Variants in SCAF8 observed in about 807,000 individuals in gnomAD.
SCAF8 encodes SR-related CTD associated factor 8.
SCAF8 carries 23 observed loss-of-function variants against 140.5 expected under a neutral mutation model. The ratio of observed to expected loss-of-function variants is 0.16; its 90% confidence interval spans 0.12 to 0.23. The LOEUF (loss-of-function observed/expected upper bound fraction) is 0.23. SCAF8 is among the 10% of genes least tolerant of loss of function. The pLI, the probability that SCAF8 is intolerant of heterozygous loss-of-function variation, is 1.00. For synonymous variants in SCAF8, 575 were observed against 528.9 expected (o/e 1.09, Z -1.20); for missense variants, 1,397 against 1,555.7 (o/e 0.90, Z 1.72).
At chr6:154,739,446 T>C (rs1395250587) in intron 1 of SCAF8, among the ~76,000 whole-genome samples, 2 of 152,234 alleles carry the variant, frequency 1.3e-5, no homozygotes, top group Admixed American at 6.5e-5. Context: ...ATAGCTAGTG[T>C]ATTACAATGT....
chr6:154,743,721 A>T (rs1582994662), intron 1 of SCAF8, among the ~76,000 whole-genome samples: 1 of 152,200 alleles, frequency 6.6e-6, no homozygotes, highest in East Asian at 1.9e-4. Flanking sequence ...TTGATCTAGC[A>T]ATGTTTTTGA....
intron 1 of SCAF8, among the ~76,000 whole-genome samples, chr6:154,739,707 T>C (rs1375928285): frequency 1.3e-5 from 2 of 152,218 alleles, no homozygotes; most frequent in Middle Eastern, 3.2e-3. Context: ...GATGCAGGCT[T>C]TCCAGAATCA....
chr6:154,757,602 G>A (rs1272727668), intron 1 of SCAF8, among the ~76,000 whole-genome samples: 10 of 152,140 alleles, frequency 6.6e-5, no homozygotes, highest in Admixed American at 2.0e-4. Context: ...GTAACACATT[G>A]TGGAAGACAT....
intron 5 of SCAF8, among the ~76,000 whole-genome samples, 194 bp downstream of exon 5, chr6:154,793,170 A>G (rs1777473483): frequency 6.6e-6 from 1 of 152,188 alleles, no homozygotes; most frequent in Non-Finnish European, 1.5e-5. Flanking sequence ...TAGAAAACTG[A>G]TTTTCATTTA....
At chr6:154,809,956 T>A (rs1183942408) in intron 11 of SCAF8, 59 bp from the exon 12 acceptor site, 6 of 1,354,198 alleles carry the variant, frequency 4.4e-6, no homozygotes, top group Admixed American at 2.2e-5. Flanking sequence ...CACTTAGAAG[T>A]GACAGATTTG....
rs114630567 is a variant in SCAF8, at chr6:154,798,024, T to G, written c.606+2885T>G. Among the ~76,000 whole-genome samples the G allele has an allele frequency of 2.1e-3, 324 of 151,596 alleles. 3 individuals are homozygous for G. Among genetic ancestry groups the G allele is most frequent in the African/African-American group, 7.4e-3 (307 of 41,508 alleles). On this transcript the variant is annotated intron_variant, in intron 6 of 19. Transcript: ENST00000367178. ...AGTGATACTGTATCACTTCATTGGT[T>G]GTTTTTCATTCACTCAACCTTCAGC...
intron 13 of SCAF8, among the ~76,000 whole-genome samples, chr6:154,816,132 A>G (rs569304895): frequency 1.9e-4 from 29 of 152,248 alleles, no homozygotes; most frequent in African/African-American, 6.7e-4. Context: ...CTTTTTTTAA[A>G]AAACTGTCTC....
chr6:154,735,607 G>A (rs1355840432), intron 1 of SCAF8, among the ~76,000 whole-genome samples: 1 of 146,684 alleles, frequency 6.8e-6, no homozygotes, highest in African/African-American at 2.5e-5. Flanking sequence ...TCCACCTCCC[G>A]GTTTCAAGCG....
At chr6:154,821,218 C>G (rs1778413945) in intron 15 of SCAF8, among the ~76,000 whole-genome samples, 1 of 152,128 alleles carries the variant, frequency 6.6e-6, no homozygotes, top group African/African-American at 2.4e-5. Context: ...AGGTCAGCAA[C>G]CTAATACCCA....
At position 154,802,053 on chromosome 6, in the gene SCAF8, T is replaced by C; in HGVS notation, c.689T>C (p.Val230Ala). 1 of 1,613,610 alleles carries C rather than the reference T, an allele frequency of 6.2e-7. No individual in the cohort carries two copies. The highest frequency in any genetic ancestry group is 2.2e-5 in the East Asian group (1 of 44,830). The change falls in exon 7 of 20, where the codon GTT becomes GCT. Residue 230 changes from valine to alanine, a missense_variant. By Grantham distance (64) the Val-to-Ala change is moderately conservative (BLOSUM62 0). This residue lies in a region of SCAF8 where 339 missense variants were observed against 407.5 expected (regional missense o/e 0.83). Transcript: ENST00000367178. ...SILQALDAGL[V>A]VQLQALTAQL... ...CTGCAGGCCCTAGATGCTGGTCTTGTTGTTCAGTTGCAAGCTCTTACGGCA... is the reference window on the plus strand; with the variant it reads ...CTGCAGGCCCTAGATGCTGGTCTTGCTGTTCAGTTGCAAGCTCTTACGGCA...
intron 12 of SCAF8, among the ~76,000 whole-genome samples, chr6:154,811,240 A>G (rs1778080544): frequency 6.6e-6 from 1 of 152,198 alleles, no homozygotes; most frequent in African/African-American, 2.4e-5. Context: ...ACGTTTAACC[A>G]CAAAAATCTC....
chr6:154,829,776 G>C (rs977667602), intron 18 of SCAF8, among the ~76,000 whole-genome samples: 1 of 151,272 alleles, frequency 6.6e-6, no homozygotes, highest in Admixed American at 6.6e-5. Context: ...GTGTGGTGGC[G>C]CACGCCTGTA....
intron 1 of SCAF8, among the ~76,000 whole-genome samples, chr6:154,750,705 C>T (rs1778816412): frequency 6.6e-6 from 1 of 152,058 alleles, no homozygotes; most frequent in Non-Finnish European, 1.5e-5. Context: ...TTTATTTACT[C>T]TTAGTTACAT....
intron 5 of SCAF8, among the ~76,000 whole-genome samples, chr6:154,793,838 A>AG (rs1175491770): frequency 0.011 from 1,666 of 149,606 alleles, 5 homozygotes; most frequent in Middle Eastern, 0.029. Flanking sequence ...AAAAAAAAAA[A>AG]ATTTTTTTAA....
At chr6:154,797,361 T>C (rs1011583917) in intron 6 of SCAF8, among the ~76,000 whole-genome samples, 1 of 151,512 alleles carries the variant, frequency 6.6e-6, no homozygotes, top group Non-Finnish European at 1.5e-5. Context: ...TTTTGATCCA[T>C]CATTTTAATT....
intron 1 of SCAF8, among the ~76,000 whole-genome samples, chr6:154,749,702 A>G (rs1056669497): frequency 1.3e-5 from 2 of 152,092 alleles, no homozygotes; most frequent in African/African-American, 4.8e-5. Context: ...TGATTGGATA[A>G]TTGAGCCTGG....
intron 3 of SCAF8, among the ~76,000 whole-genome samples, chr6:154,779,781 G>GTATATA (rs59234248): frequency 2.1e-5 from 3 of 144,174 alleles, no homozygotes; most frequent in Admixed American, 7.0e-5. Flanking sequence ...GTGTGTGTGT[G>GTATATA]TATATATATA....
intron 3 of SCAF8, among the ~76,000 whole-genome samples, chr6:154,785,589 A>G (rs1334815047): frequency 3.9e-5 from 6 of 152,314 alleles, no homozygotes; most frequent in South Asian, 4.1e-4. Context: ...GTACAGCCAC[A>G]TGATTCTGTT....
chr6:154,741,430 G>A (rs1778564991), intron 1 of SCAF8, among the ~76,000 whole-genome samples: 1 of 151,170 alleles, frequency 6.6e-6, no homozygotes, highest in African/African-American at 2.4e-5. Context: ...TTTTTGAGAT[G>A]GAGTCTTGCT....
Sources: allele counts gnomAD v4.1 joint callset (sites outside exome capture counted in the v4.1 genomes callset), GRCh38; gene constraint gnomAD v4.1.1; regional missense constraint gnomAD v4.1.1; transcripts MANE v1.5; gene names NCBI Gene and HGNC (gene_info 2026-07-23, HGNC 2026-07-21).